Variants in POU5F1 observed in about 807,000 individuals in gnomAD.
POU5F1 encodes the protein POU domain, class 5, transcription factor 1.
A neutral mutation model predicts 38.3 loss-of-function variants in POU5F1; 6 were observed. The observed-to-expected ratio is 0.16, with a 90% CI of 0.09 to 0.31. POU5F1 has a LOEUF of 0.31. Among genes scored for constraint, POU5F1 ranks in the 10% least tolerant of loss-of-function variants. The probability of loss-of-function intolerance (pLI) is 1.00; values close to 1 mark genes in which losing one functional copy is unlikely to be tolerated. For synonymous variants in POU5F1, 147 were observed against 194.9 expected (o/e 0.75, Z 2.05); for missense variants, 286 against 462.6 (o/e 0.62, Z 3.50).
chr6:31,165,350 G>A lies in POU5F1; in HGVS notation c.658-64C>T. On this transcript the variant is annotated intron_variant, in intron 3 of 4. Coordinates refer to ENST00000259915, the MANE Select transcript of POU5F1 (RefSeq NM_002701.6). The surrounding 1 kb of genome is among the most constrained non-coding windows in gnomAD (Gnocchi z 6.5). Reference sequence around the variant, plus strand: ...GACTTGCTGAGTAACAGCATCACAGGGGTCTGTGACTAGATGTGTCAGCAG... The same window carrying A: ...GACTTGCTGAGTAACAGCATCACAGAGGTCTGTGACTAGATGTGTCAGCAG... The A allele has an allele frequency of 6.3e-7, 1 of 1,582,118 alleles. No individual in the cohort carries two copies. Among genetic ancestry groups the A allele is most frequent in the Non-Finnish European group, 8.6e-7 (1 of 1,162,144 alleles).
rs1267831317 is a variant in POU5F1, at chr6:31,165,467, G to A, written c.657+104C>T. The A allele has an allele frequency of 1.0e-5, 16 of 1,594,660 alleles. No individual in the cohort carries two copies. Among genetic ancestry groups the A allele is most frequent in the African/African-American group, 1.3e-5 (1 of 74,522 alleles). On this transcript the variant is annotated intron_variant, in intron 3 of 4. Transcript: ENST00000259915. This position sits in a 1 kb window ranked among gnomAD's most constrained non-coding sequence, Gnocchi z 6.5. ...CTGAGGAATTTCACTCCATCCCACT[G>A]AGAACCACTGCACCAAAGACGGAGA...
chr6:31,165,814 C>CT lies in POU5F1; in HGVS notation c.526+112dup. On this transcript the variant is annotated intron_variant, in intron 2 of 4. Transcript: ENST00000259915. This position sits in a 1 kb window ranked among gnomAD's most constrained non-coding sequence, Gnocchi z 6.5. ...AGAGGGAGCTCAAAGCATCTTCTCC[C>CT]TCTCCCTACTCCTCTTCATGGGTGA... 6.5e-6 allele frequency: 10 copies of CT among 1,548,194 alleles called. No homozygotes were observed. Among genetic ancestry groups the CT allele is most frequent in the Non-Finnish European group, 8.7e-6 (10 of 1,146,362 alleles).
chr6:31,165,397 G>A lies in POU5F1; in HGVS notation c.658-111C>T. The A allele has an allele frequency of 1.3e-6, 2 of 1,561,652 alleles. No homozygotes were observed. Among genetic ancestry groups the A allele is most frequent in the Non-Finnish European group, 1.7e-6 (2 of 1,150,446 alleles). On this transcript the variant is annotated intron_variant, in intron 3 of 4. Transcript: ENST00000259915. The surrounding 1 kb of genome is among the most constrained non-coding windows in gnomAD (Gnocchi z 6.5). The stretch of plus-strand genomic sequence containing the variant: ...GCAGAGCCAGGTGGTGGTGTGAAAA[G>A]GCAGGATCCTGGAAGGGTTGGCTCT...
At position 31,166,014 on chromosome 6, in the gene POU5F1, C is replaced by T. The variant is rs777993058; in HGVS notation, c.439G>A (p.Glu147Lys). ...QDIKALQKEL[E>K]QFAKLLKQKR... ...TGCTTCAGGAGCTTGGCAAATTGCT[C>T]GAGTTCTTTCTGCAGAGCTTTGATG... The change falls in exon 2 of 5, where the codon GAG becomes AAG. Residue 147 changes from glutamate to lysine, a missense_variant. Transcript: ENST00000259915. The T allele has an allele frequency of 5.0e-6, 8 of 1,614,184 alleles. No individual in the cohort carries two copies. The highest frequency in any genetic ancestry group is 4.4e-5 in the South Asian group (4 of 91,086).
intron 1 of POU5F1, among the ~76,000 whole-genome samples, chr6:31,168,902 C>A (rs1777473940): frequency 6.6e-6 from 1 of 152,152 alleles, no homozygotes; most frequent in African/African-American, 2.4e-5. Context: ...CAGAGGTGCA[C>A]AGCTAGTGAG....
intron 1 of POU5F1, among the ~76,000 whole-genome samples, chr6:31,168,782 G>C (rs868108530): frequency 1.3e-5 from 2 of 152,294 alleles, no homozygotes; most frequent in Middle Eastern, 3.4e-3. Flanking sequence ...TAGTCATCTG[G>C]TGTCTAAATG....
chr6:31,166,695 C>G, intron 1 of POU5F1: 1 of 1,173,160 alleles, frequency 8.5e-7, no homozygotes, highest in Non-Finnish European at 1.1e-6. Context: ...CATTTAATAC[C>G]TGCAAAATTC....
rs77172244 is a variant in POU5F1, at chr6:31,170,427, G to A, written c.194C>T (p.Pro65Leu). The A allele has an allele frequency of 5.0e-4, 806 of 1,611,466 alleles. 17 individuals carry two copies. In the South Asian group the frequency reaches 6.2e-3, roughly 12 times the overall value. Residue 65 changes from proline (P) to leucine (L), a missense_variant, in exon 1 of 5, where the codon CCG becomes CTG. By Grantham distance (98) the Pro-to-Leu change is moderately conservative. This residue lies in a region of POU5F1 where 176 missense variants were observed against 184.8 expected (regional missense o/e 0.95). Coordinates refer to ENST00000259915, the MANE Select transcript of POU5F1 (RefSeq NM_002701.6). Reference protein sequence around the residue: ...SEVWGIPPCPPPYEFCGGMAY... With the variant: ...SEVWGIPPCPLPYEFCGGMAY... Reference sequence around the variant, plus strand: ...CATCCCCCCACAGAACTCATACGGCGGGGGGCATGGGGGAATCCCCCACAC... The same window carrying A: ...CATCCCCCCACAGAACTCATACGGCAGGGGGCATGGGGGAATCCCCCACAC...
chr6:31,167,525 T>C (rs1777358902), intron 1 of POU5F1, among the ~76,000 whole-genome samples: 1 of 152,078 alleles, frequency 6.6e-6, no homozygotes, highest in African/African-American at 2.4e-5. Flanking sequence ...CTGGTCAACA[T>C]AGTGAGACTC....
chr6:31,169,194 T>A (rs1344758275), intron 1 of POU5F1, among the ~76,000 whole-genome samples: 1 of 152,082 alleles, frequency 6.6e-6, no homozygotes, highest in African/African-American at 2.4e-5. Context: ...AATGAGATAA[T>A]GATGTATAAA....
At position 31,170,322 on chromosome 6, in the gene POU5F1, C is replaced by T; in HGVS notation, c.299G>A (p.Gly100Glu). Residue 100 changes from glycine (G) to glutamate (E), a missense_variant, in exon 1 of 5, where the codon GGA becomes GAA. Physicochemically the swap from Gly to Glu is moderately conservative, Grantham distance 98 (BLOSUM62 -2). Around this residue, in one of 2 missense-constraint regions of POU5F1, gnomAD observed 176 missense variants for 184.8 expected, o/e 0.95. Coordinates refer to ENST00000259915, the MANE Select transcript of POU5F1 (RefSeq NM_002701.6). ...LETSQPEGEA[G>E]VGVESNSDGA... ...ATCGGAGTTGCTCTCCACCCCGACT[C>T]CTGCTTCGCCCTCAGGCTGAGAGGT... 1 of 1,612,790 alleles carries T rather than the reference C, an allele frequency of 6.2e-7. No homozygotes were observed. Among genetic ancestry groups the T allele is most frequent in the Non-Finnish European group, 8.5e-7 (1 of 1,179,848 alleles).
chr6:31,169,189 GATA>G (rs1328547132), intron 1 of POU5F1, among the ~76,000 whole-genome samples: 1 of 152,150 alleles, frequency 6.6e-6, no homozygotes, highest in Non-Finnish European at 1.5e-5. Flanking sequence ...TGGTTAATGA[GATA>G]ATGATGTATA....
rs1465996158 is a variant in POU5F1 at position 31,164,882 on chromosome 6, C to T, written c.817-15G>A. 13 of 1,603,304 alleles carry T rather than the reference C, an allele frequency of 8.1e-6. No homozygotes were observed. The highest frequency in any genetic ancestry group is 1.1e-5 in the Non-Finnish European group (13 of 1,176,898). On this transcript the variant is annotated splice_polypyrimidine_tract_variant and intron_variant, in intron 4 of 4. Coordinates refer to ENST00000259915, the MANE Select transcript of POU5F1 (RefSeq NM_002701.6). Reference sequence around the variant, plus strand: ...ACTCGGACCACCTGCAAGTGAATGACAGAAAGGAGAATGACATTAGACAAT... The same window carrying T: ...ACTCGGACCACCTGCAAGTGAATGATAGAAAGGAGAATGACATTAGACAAT...
In POU5F1 at chr6:31,165,414, G is replaced by A; in HGVS notation, c.658-128C>T. On this transcript the variant is annotated intron_variant, in intron 3 of 4. Coordinates refer to ENST00000259915, the MANE Select transcript of POU5F1 (RefSeq NM_002701.6). This position sits in a 1 kb window ranked among gnomAD's most constrained non-coding sequence, Gnocchi z 6.5. ...TGTGAAAAGGCAGGATCCTGGAAGG[G>A]TTGGCTCTGGACCTTATCCCAGCAG... 6.4e-7 allele frequency: 1 copy of A among 1,561,112 alleles called. No homozygotes were observed. Among genetic ancestry groups the A allele is most frequent in the Non-Finnish European group, 8.7e-7 (1 of 1,150,158 alleles).
chr6:31,167,009 T>C (rs566021008), intron 1 of POU5F1: 5 of 737,270 alleles, frequency 6.8e-6, no homozygotes, highest in Admixed American at 4.4e-5. Flanking sequence ...GGCATCCTAA[T>C]TGATTTTTAA....
chr6:31,169,968 C>T (rs9263811), intron 1 of POU5F1: 86,237 of 621,108 alleles, frequency 0.14, 6,722 homozygotes, highest in Non-Finnish European at 0.16. Flanking sequence ...GGCCAGCTTC[C>T]GACTCTCCCA....
rs1314271734 is a variant in POU5F1 at position 31,164,763 on chromosome 6, C to G, written c.921G>C (p.Gly307=). The change falls in exon 5 of 5, where the codon GGG becomes GGC. Residue 307 remains glycine, a synonymous_variant. Coordinates refer to ENST00000259915, the MANE Select transcript of POU5F1 (RefSeq NM_002701.6). ...DFEAAGSPFS[G]GPVSFPLAPG... is the part of the protein sequence containing the mutation. Reference sequence around the variant, plus strand: ...GGGCCAGAGGAAAGGACACTGGTCCCCCTGAGAAAGGAGACCCAGCAGCCT... The same window carrying G: ...GGGCCAGAGGAAAGGACACTGGTCCGCCTGAGAAAGGAGACCCAGCAGCCT... The G allele has an allele frequency of 6.2e-7, 1 of 1,610,654 alleles. No homozygotes were observed. Among genetic ancestry groups the G allele is most frequent in the Non-Finnish European group, 8.5e-7 (1 of 1,178,548 alleles).
chr6:31,165,852 C>G lies in POU5F1; in HGVS notation c.526+75G>C. On this transcript the variant is annotated intron_variant, in intron 2 of 4. Coordinates refer to ENST00000259915, the MANE Select transcript of POU5F1 (RefSeq NM_002701.6). The surrounding 1 kb of genome is among the most constrained non-coding windows in gnomAD (Gnocchi z 6.5). ...TCTTCATGGGTGAGGGTAGTCTGCC[C>G]CTGCCCCTCCCCACTAGGTTCAGGG... The G allele has an allele frequency of 6.3e-7, 1 of 1,595,584 alleles. No individual in the cohort carries two copies. Among genetic ancestry groups the G allele is most frequent in the South Asian group, 1.1e-5 (1 of 89,296 alleles).
Position 31,164,786 on chromosome 6 carries a change from C to G in POU5F1, c.898G>C (p.Ala300Pro). The change falls in exon 5 of 5, where the codon GCT becomes CCT. Residue 300 changes from alanine to proline, a missense_variant. This residue lies in a region of POU5F1 where 110 missense variants were observed against 277.8 expected (regional missense o/e 0.40). Transcript: ENST00000259915. ...SDYAQREDFE[A>P]AGSPFSGGPV... ...CCCCCTGAGAAAGGAGACCCAGCAG[C>G]CTCAAAATCCTCTCGTTGTGCATAG... 1 of 1,612,620 alleles carries G rather than the reference C, an allele frequency of 6.2e-7. No homozygotes were observed.
Sources: gnomAD v4.1 joint callset for allele counts (sites outside exome capture counted in the v4.1 genomes callset) on GRCh38, gnomAD v4.1.1 for gene constraint, gnomAD v4.1.1 regional missense constraint, Gnocchi (gnomAD v3.1) non-coding constraint, MANE v1.5 for transcripts, NCBI Gene and HGNC (gene_info 2026-07-23, HGNC 2026-07-21) for gene names.